VPS13B: variants seen among roughly 807,000 people sequenced by gnomAD.
VPS13B encodes vacuolar protein sorting 13 homolog B, also known as intermembrane lipid transfer protein VPS13B.
Under a neutral mutation model 426.4 loss-of-function variants are expected in VPS13B, and 285 were observed. That is an observed-to-expected ratio of 0.67 (90% confidence interval 0.61 to 0.74). The LOEUF is 0.74. VPS13B is among the 30% of genes least tolerant of loss of function. VPS13B has a pLI of 0.00. For missense variants in VPS13B, 4,537 were observed against 4,782.6 expected, an observed-to-expected ratio of 0.95 and a Z score of 1.51; for synonymous variants, 1,676 against 1,676.4, an observed-to-expected ratio of 1.00 and a Z score of 0.01.
intron 17 of VPS13B, among the ~76,000 whole-genome samples, chr8:99,194,157 G>A (rs1813759629): frequency 6.6e-6 from 1 of 152,156 alleles, no homozygotes; most frequent in African/African-American, 2.4e-5. Context: ...TGTTCAAGTT[G>A]TAGTAGTTTT....
At chr8:99,416,463 A>G (rs1206726384) in intron 21 of VPS13B, among the ~76,000 whole-genome samples, 11 of 152,082 alleles carry the variant, frequency 7.2e-5, no homozygotes, top group East Asian at 1.9e-4. Context: ...CCACTGGCAT[A>G]TGAAAAAAAA....
chr8:99,232,608 C>A (rs1023729607), intron 17 of VPS13B, among the ~76,000 whole-genome samples: 1 of 152,218 alleles, frequency 6.6e-6, no homozygotes, highest in Admixed American at 6.5e-5. Context: ...AGGCACCCTG[C>A]GTAACCCGCA....
At chr8:99,313,760 C>T (rs189298445) in intron 19 of VPS13B, among the ~76,000 whole-genome samples, 2 of 152,300 alleles carry the variant, frequency 1.3e-5, no homozygotes, top group African/African-American at 4.8e-5. Flanking sequence ...TGCCCTGTCC[C>T]CAGAGGTGGA....
At chr8:99,828,713 T>G (rs576423449) in intron 51 of VPS13B, among the ~76,000 whole-genome samples, 1 of 152,228 alleles carries the variant, frequency 6.6e-6, no homozygotes, top group South Asian at 2.1e-4. Context: ...TACATTTTGG[T>G]TTGTTTTTGC....
intron 23 of VPS13B, among the ~76,000 whole-genome samples, chr8:99,442,867 C>T (rs1316387596): frequency 6.6e-6 from 1 of 151,968 alleles, no homozygotes; most frequent in African/African-American, 2.4e-5. Flanking sequence ...ATAATATAAT[C>T]ATTAAAATGT....
chr8:99,099,188 G>A (rs1177289455), intron 4 of VPS13B, among the ~76,000 whole-genome samples: 3 of 152,128 alleles, frequency 2.0e-5, no homozygotes, highest in Non-Finnish European at 2.9e-5. Flanking sequence ...AACATTGACA[G>A]TAAAGATTTT....
chr8:99,308,463 A>G lies in VPS13B; in HGVS notation c.2824+33209A>G, dbSNP rs1033135354. ...TTTGTCCTTGCGATAGTTTGCTGCG[A>G]ATGATGGTTTCCAGCTTCATCCATG... On this transcript the variant is annotated intron_variant, in intron 19 of 61. Coordinates refer to ENST00000357162, the MANE Select transcript of VPS13B (RefSeq NM_152564.5). 2.0e-5 allele frequency among the ~76,000 whole-genome samples: 3 copies of G among 152,242 alleles called. No individual in the cohort carries two copies. In the South Asian group the frequency reaches 6.2e-4, roughly 32 times the overall value.
At position 99,082,298 on chromosome 8, in the gene VPS13B, T is replaced by C. The variant is rs138834813; in HGVS notation, c.292-14014T>C. 9.3e-3 allele frequency among the ~76,000 whole-genome samples: 1,424 copies of C among 152,336 alleles called. 30 individuals carry two copies. The highest frequency in any genetic ancestry group is 0.033 in the African/African-American group (1,363 of 41,568). ...TCTGTTCATATCCTTTGCCCACTTT[T>C]TGATGGAGTTGTTTGTTATTTTCTT... On this transcript the variant is annotated intron_variant, in intron 3 of 61. Transcript: ENST00000357162.
intron 16 of VPS13B, among the ~76,000 whole-genome samples, chr8:99,179,151 C>A (rs1812804561): frequency 6.6e-6 from 1 of 151,918 alleles, no homozygotes; most frequent in Non-Finnish European, 1.5e-5. Context: ...CATGTTAAAA[C>A]TGTTGTGTTG....
chr8:99,652,140 TG>T (rs1306108648), intron 34 of VPS13B, among the ~76,000 whole-genome samples: 1 of 152,146 alleles, frequency 6.6e-6, no homozygotes, highest in Non-Finnish European at 1.5e-5. Context: ...GTTTTATAAA[TG>T]CCAAAGGTCT....
chr8:99,351,417 CAA>C (rs201876544), intron 19 of VPS13B, among the ~76,000 whole-genome samples: 1,665 of 143,644 alleles, frequency 0.012, 9 homozygotes, highest in Non-Finnish European at 0.014. Flanking sequence ...TCTCCTTCCT[CAA>C]GAGAGAGAGA....
chr8:99,501,982 T>C (rs532775555), intron 26 of VPS13B, 124 bp downstream of exon 26: 1 of 1,110,494 alleles, frequency 9.0e-7, no homozygotes, highest in Non-Finnish European at 1.3e-6. Context: ...TCTTTCCGTC[T>C]GTCTGTCTGT....
intron 19 of VPS13B, among the ~76,000 whole-genome samples, chr8:99,327,790 C>G (rs534766593): frequency 4.1e-4 from 62 of 152,258 alleles, no homozygotes; most frequent in African/African-American, 1.4e-3. Context: ...TGATTTCTAT[C>G]TGTATCTCAT....
At chr8:99,273,304 G>A (rs113424911) in intron 17 of VPS13B, among the ~76,000 whole-genome samples, 10,916 of 150,768 alleles carry the variant, frequency 0.072, 470 homozygotes, top group African/African-American at 0.12. Context: ...GACCACAGGC[G>A]CATGCCACCA....
At chr8:99,731,771 A>G (rs1338946162) in intron 39 of VPS13B, among the ~76,000 whole-genome samples, 1 of 152,212 alleles carries the variant, frequency 6.6e-6, no homozygotes, top group Non-Finnish European at 1.5e-5. Context: ...AGTCAAGGTA[A>G]TTGCAAGATT....
At chr8:99,366,431 T>C (rs2133250311) in intron 19 of VPS13B, among the ~76,000 whole-genome samples, 1 of 152,256 alleles carries the variant, frequency 6.6e-6, no homozygotes, top group Admixed American at 6.5e-5. Flanking sequence ...TCCATTTGCA[T>C]GGAATTTCTT....
intron 33 of VPS13B, among the ~76,000 whole-genome samples, chr8:99,631,792 A>G (rs1278133017): frequency 1.3e-5 from 2 of 151,826 alleles, no homozygotes; most frequent in Non-Finnish European, 2.9e-5. Flanking sequence ...TGAAGGTAAA[A>G]GCTTGGTTTT....
At chr8:99,467,954 T>C (rs1819197889) in intron 24 of VPS13B, among the ~76,000 whole-genome samples, 1 of 152,188 alleles carries the variant, frequency 6.6e-6, no homozygotes, top group Admixed American at 6.5e-5. Context: ...ACTGATCGAG[T>C]GTAATTTTCA....
intron 14 of VPS13B, among the ~76,000 whole-genome samples, chr8:99,151,053 C>G (rs902042679): frequency 6.6e-6 from 1 of 152,234 alleles, no homozygotes; most frequent in Non-Finnish European, 1.5e-5. Context: ...TTGATGTTGT[C>G]AGTGCTTCGG....
Sources: gnomAD v4.1 joint callset for allele counts (sites outside exome capture counted in the v4.1 genomes callset) on GRCh38, gnomAD v4.1.1 for gene constraint, MANE v1.5 for transcripts, NCBI Gene and HGNC (gene_info 2026-07-23, HGNC 2026-07-21) for gene names.